DGKA: variants seen among roughly 807,000 people sequenced by gnomAD.
The protein encoded by DGKA is diacylglycerol kinase alpha.
In DGKA, 35 loss-of-function variants were observed where a neutral mutation model predicts 105.0. The observed-to-expected ratio is 0.33, with a 90% confidence interval of 0.25 to 0.44. The LOEUF is 0.44. Ranked by LOEUF, DGKA falls within the 20% of genes least tolerant of loss-of-function variation. DGKA has a pLI of 1.00. For synonymous variants in DGKA, 296 were observed against 332.0 expected, an observed-to-expected ratio of 0.89 and a Z score of 1.18; for missense variants, 665 against 915.0, an observed-to-expected ratio of 0.73 and a Z score of 3.53.
upstream of DGKA, chr12:55,927,692 C>T (rs115873921): frequency 7.0e-4 from 1,074 of 1,538,650 alleles, 8 homozygotes; most frequent in African/African-American, 0.014. Flanking sequence ...GCGGGAGGGG[C>T]GTGCAAGGCG....
intron 17 of DGKA, among the ~76,000 whole-genome samples, chr12:55,945,484 A>G (rs1886812609): frequency 6.6e-6 from 1 of 152,228 alleles, no homozygotes; most frequent in Non-Finnish European, 1.5e-5. Flanking sequence ...ATTGTCTTAC[A>G]GTTCTGGATG....
At chr12:55,938,329 C>T (rs1271065311) in intron 5 of DGKA, 182 bp from the exon 6 acceptor site, 1 of 792,664 alleles carries the variant, frequency 1.3e-6, no homozygotes, top group Admixed American at 2.5e-5. Context: ...CTGACACATT[C>T]ACTGAGGGTA....
intron 15 of DGKA, 51 bp downstream of exon 15, chr12:55,941,635 C>T (rs1886025173): frequency 1.3e-6 from 2 of 1,566,650 alleles, no homozygotes; most frequent in Admixed American, 3.3e-5. Flanking sequence ...GTCTGTGTAT[C>T]TGTATATGTT....
chr12:55,939,533 A>C lies in DGKA; in HGVS notation c.709+4A>C. The C allele has an allele frequency of 6.2e-7, 1 of 1,613,896 alleles. No homozygotes were observed. ...AAACAGGGACTGAGCTGTAACCGTGAGTAATGGGAGCTGGGAGGTAGGGGA... is the reference window on the plus strand; with the variant it reads ...AAACAGGGACTGAGCTGTAACCGTGCGTAATGGGAGCTGGGAGGTAGGGGA... On this transcript the variant is annotated splice_donor_region_variant and intron_variant, in intron 9 of 23. Transcript: ENST00000331886.
At position 55,951,699 on chromosome 12, in the gene DGKA, T is replaced by C; in HGVS notation, c.1503T>C (p.Ser501=). 2.5e-6 allele frequency: 4 copies of C among 1,614,082 alleles called. No homozygotes were observed. Among genetic ancestry groups the C allele is most frequent in the Non-Finnish European group, 3.4e-6 (4 of 1,180,030 alleles). Reference sequence around the variant, plus strand: ...AAGTGGTACATATGGATCGATGGTCTGTGGAGGTGATACCTCAACAAACTG... The same window carrying C: ...AAGTGGTACATATGGATCGATGGTCCGTGGAGGTGATACCTCAACAAACTG... ...MSKVVHMDRW[S]VEVIPQQTEE... Residue 501 remains serine, a synonymous_variant, in exon 18 of 24, where the codon TCT becomes TCC. Coordinates refer to ENST00000331886, the MANE Select transcript of DGKA (RefSeq NM_001345.5).
rs1592760067 is a variant in DGKA at position 55,953,729 on chromosome 12, A to C, written c.2169A>C (p.Pro723=). ...ACCAGATGCCCATGCTCATGGGCCC[A>C]CCCCCCCGCTCCACCAATTTCTTTG... ...HKNQMPMLMG[P]PPRSTNFFGF... Residue 723 remains proline, a synonymous_variant, in exon 24 of 24, where the codon CCA becomes CCC. Coordinates refer to ENST00000331886, the MANE Select transcript of DGKA (RefSeq NM_001345.5). The C allele has an allele frequency of 1.2e-6, 2 of 1,613,168 alleles. No individual in the cohort carries two copies. Among genetic ancestry groups the C allele is most frequent in the South Asian group, 2.2e-5 (2 of 91,014 alleles).
chr12:55,943,061 T>C (rs1331084320), intron 17 of DGKA, among the ~76,000 whole-genome samples: 1 of 152,126 alleles, frequency 6.6e-6, no homozygotes, highest in Non-Finnish European at 1.5e-5. Flanking sequence ...GTCCAGATGA[T>C]GGAGGGTTAT....
At chr12:55,945,176 T>C (rs1411298038) in intron 17 of DGKA, among the ~76,000 whole-genome samples, 2 of 152,084 alleles carry the variant, frequency 1.3e-5, no homozygotes, top group Non-Finnish European at 2.9e-5. Flanking sequence ...TTGGGGCAGG[T>C]GGAGATGTTG....
chr12:55,950,657 G>C (rs1018141485), intron 17 of DGKA, among the ~76,000 whole-genome samples: 2 of 151,898 alleles, frequency 1.3e-5, no homozygotes, highest in Admixed American at 6.6e-5. Flanking sequence ...GTCCAGGCTG[G>C]TCTCAAACTC....
chr12:55,933,956 C>A (rs1432243995), intron 1 of DGKA, among the ~76,000 whole-genome samples: 1 of 152,126 alleles, frequency 6.6e-6, no homozygotes, highest in African/African-American at 2.4e-5. Flanking sequence ...TTATTTAATG[C>A]CCACATTGCG....
At position 55,940,350 on chromosome 12, in the gene DGKA, T is replaced by C; in HGVS notation, c.835T>C (p.Ser279Pro). The C allele has an allele frequency of 6.2e-7, 1 of 1,614,092 alleles. No homozygotes were observed. The highest frequency in any genetic ancestry group is 8.5e-7 in the Non-Finnish European group (1 of 1,180,000). ...TGTGTGGGTGCGAGGAGGCTGTGAG[T>C]CCGGGCGCTGCGACCGCTGTCAGAA... ...SHVWVRGGCE[S>P]GRCDRCQKKI... Residue 279 changes from serine (S) to proline (P), a missense_variant, in exon 11 of 24, where the codon TCC becomes CCC. Around this residue, in one of 3 missense-constraint regions of DGKA, gnomAD observed 504 missense variants for 681.2 expected, o/e 0.74. Transcript: ENST00000331886. This position sits in a 1 kb window ranked among gnomAD's most constrained non-coding sequence, Gnocchi z 4.3.
At chr12:55,941,670 A>G (rs1468986120) in intron 15 of DGKA, 86 bp downstream of exon 15, 2 of 1,392,534 alleles carry the variant, frequency 1.4e-6, no homozygotes, top group Non-Finnish European at 2.0e-6. Flanking sequence ...AAGAGTGCAG[A>G]TTGGGAGAGG....
Position 55,940,663 on chromosome 12 carries a change from G to T in DGKA, c.958G>T (p.Asp320Tyr). 1.0e-5 allele frequency: 16 copies of T among 1,601,780 alleles called. No homozygotes were observed. The highest frequency in any genetic ancestry group is 1.4e-5 in the Non-Finnish European group (16 of 1,175,896). Reference sequence around the variant, plus strand: ...CCTGCAAGCGGTGGGCCATGAGTGTGACTGTGGGCTGCTCCGGGATCACAT... The same window carrying T: ...CCTGCAAGCGGTGGGCCATGAGTGTTACTGTGGGCTGCTCCGGGATCACAT... ...DCLQAVGHEC[D>Y]CGLLRDHILP... Residue 320 changes from aspartate (D) to tyrosine (Y), a missense_variant, in exon 12 of 24, where the codon GAC (aspartate) becomes TAC (tyrosine). This residue lies in a region of DGKA where 504 missense variants were observed against 681.2 expected (regional missense o/e 0.74). Transcript: ENST00000331886. This position sits in a 1 kb window ranked among gnomAD's most constrained non-coding sequence, Gnocchi z 4.3.
intron 9 of DGKA, chr12:55,939,839 A>C (rs774782553): frequency 5.1e-6 from 3 of 591,876 alleles, no homozygotes; most frequent in Non-Finnish European, 9.0e-6. Context: ...CCCAAGCATT[A>C]TCCAGCTCAG....
chr12:55,949,545 C>T (rs1887725598), intron 17 of DGKA, among the ~76,000 whole-genome samples: 1 of 152,166 alleles, frequency 6.6e-6, no homozygotes, highest in Non-Finnish European at 1.5e-5. Context: ...TAAAATTTGC[C>T]AAAATGCTTT....
At position 55,932,563 on chromosome 12, in the gene DGKA, G is replaced by A. The variant is rs1354450467; in HGVS notation, c.-82+1219G>A. ...AATCTCACTTTTCACCTTGATAGGA[G>A]AAATGAGCCTTCCTGAGGAAGAATG... On this transcript the variant is annotated intron_variant, in intron 1 of 23. Coordinates refer to ENST00000331886, the MANE Select transcript of DGKA (RefSeq NM_001345.5). This position sits in a 1 kb window ranked among gnomAD's most constrained non-coding sequence, Gnocchi z 4.3. 5 of 702,282 alleles carry A rather than the reference G, an allele frequency of 7.1e-6. No individual in the cohort carries two copies. Among genetic ancestry groups the A allele is most frequent in the South Asian group, 5.9e-5 (4 of 67,582 alleles). 43.5% of individuals were successfully genotyped at this position (702,282 alleles called of 1,614,324 possible).
At chr12:55,927,448 C>G (rs577062885), upstream of DGKA, 29 of 697,230 alleles carry the variant, frequency 4.2e-5, no homozygotes, top group South Asian at 4.3e-4. Flanking sequence ...GCAAGGCCCA[C>G]CTGCACCCAA....
rs758870445 is a variant in DGKA at position 55,940,816 on chromosome 12, T to C, written c.1018-81T>C. The C allele has an allele frequency of 8.8e-6, 14 of 1,596,512 alleles. No homozygotes were observed. The highest frequency in any genetic ancestry group is 1.1e-5 in the Non-Finnish European group (13 of 1,164,554). Reference sequence around the variant, plus strand: ...CATTTAGAATAGAGAGCTCATACTTTTAGGATTCAAGTCAGACCCCTCTAT... The same window carrying C: ...CATTTAGAATAGAGAGCTCATACTTCTAGGATTCAAGTCAGACCCCTCTAT... On this transcript the variant is annotated intron_variant, in intron 12 of 23. Coordinates refer to ENST00000331886, the MANE Select transcript of DGKA (RefSeq NM_001345.5). The surrounding 1 kb of genome is among the most constrained non-coding windows in gnomAD (Gnocchi z 4.3).
rs751686905 is a variant in DGKA, at chr12:55,953,736, C to T, written c.2176C>T (p.Arg726Cys). 2.8e-5 allele frequency: 45 copies of T among 1,614,048 alleles called. No individual in the cohort carries two copies. The highest frequency in any genetic ancestry group is 5.0e-5 in the Admixed American group (3 of 60,008). Reference sequence around the variant, plus strand: ...GCCCATGCTCATGGGCCCACCCCCCCGCTCCACCAATTTCTTTGGCTTCTT... The same window carrying T: ...GCCCATGCTCATGGGCCCACCCCCCTGCTCCACCAATTTCTTTGGCTTCTT... The part of the protein sequence containing the change: ...QMPMLMGPPP[R>C]STNFFGFLS Residue 726 changes from arginine (R) to cysteine (C), a missense_variant, in exon 24 of 24, where the codon CGC becomes TGC. Transcript: ENST00000331886.
Sources: gnomAD v4.1 joint callset for allele counts (sites outside exome capture counted in the v4.1 genomes callset) on GRCh38, gnomAD v4.1.1 for gene constraint, gnomAD v4.1.1 regional missense constraint, Gnocchi (gnomAD v3.1) non-coding constraint, MANE v1.5 for transcripts, NCBI Gene and HGNC (gene_info 2026-07-23, HGNC 2026-07-21) for gene names.